The following R3HCC1L variants were observed in gnomAD, a reference collection of about 807,000 sequenced individuals.
R3HCC1L encodes R3H domain and coiled-coil containing 1 like.
A neutral mutation model predicts 59.9 loss-of-function variants in R3HCC1L; 51 were observed. The observed-to-expected ratio is 0.85, with a 90% CI of 0.68 to 1.07. R3HCC1L has a LOEUF of 1.07. Ranked by LOEUF, R3HCC1L falls within the 50% of genes least tolerant of loss-of-function variation. The probability of loss-of-function intolerance (pLI) is 0.00; values close to 1 mark genes in which losing one functional copy is unlikely to be tolerated. For missense variants in R3HCC1L, 965 were observed against 933.0 expected (o/e 1.03, Z -0.45); for synonymous variants, 322 against 315.2 (o/e 1.02, Z -0.23).
At chr10:98,151,907 T>G (rs969883897) in intron 1 of R3HCC1L, among the ~76,000 whole-genome samples, 1 of 151,696 alleles carries the variant, frequency 6.6e-6, no homozygotes, top group African/African-American at 2.4e-5. Context: ...TCCAGCTCGC[T>G]CTCTCTCTCT....
At position 98,197,207 on chromosome 10, in the gene R3HCC1L, G is replaced by GC. The variant is rs35578431; in HGVS notation, c.-14-10886dup. 3.1e-3 allele frequency among the ~76,000 whole-genome samples: 463 copies of GC among 151,498 alleles called. 4 individuals are homozygous for GC. Among genetic ancestry groups the GC allele is most frequent in the African/African-American group, 9.3e-3 (385 of 41,236 alleles). Reference sequence around the variant, plus strand: ...TCGGATTACAGATGCAAGCCACCATGCCCCCCCCTCCACCCCTTCCTATTC... The same window carrying GC: ...TCGGATTACAGATGCAAGCCACCATGCCCCCCCCCTCCACCCCTTCCTATTC... On this transcript the variant is annotated intron_variant, in intron 4 of 9. Coordinates refer to ENST00000298999, the MANE Select transcript of R3HCC1L (RefSeq NM_001351015.2).
chr10:98,172,115 G>A (rs1848574784), intron 4 of R3HCC1L, among the ~76,000 whole-genome samples: 1 of 152,164 alleles, frequency 6.6e-6, no homozygotes. Flanking sequence ...CTCTACACAT[G>A]TTTGAGGCTA....
chr10:98,174,536 A>G lies in R3HCC1L; in HGVS notation c.-15+11139A>G. On this transcript the variant is annotated intron_variant, in intron 4 of 9. Coordinates refer to ENST00000298999, the MANE Select transcript of R3HCC1L (RefSeq NM_001351015.2). ...CATTCATAAATGAAACAGTTGAATA[A>G]GAATATAAAGGAGTATATAATGAGA... 3.3e-6 allele frequency: 3 copies of G among 914,690 alleles called. 1 individual carries two copies. The highest frequency in any genetic ancestry group is 1.0e-4 in the South Asian group (2 of 19,904). The allele number at this position is 914,690 out of a possible 1,614,324, so 56.7% of individuals were successfully genotyped here.
chr10:98,182,446 G>A (rs931823420), intron 4 of R3HCC1L, among the ~76,000 whole-genome samples: 1 of 152,162 alleles, frequency 6.6e-6, no homozygotes, highest in African/African-American at 2.4e-5. Flanking sequence ...TGAGGTGTCA[G>A]TCGGCCCCTC....
chr10:98,198,137 T>G (rs535865199), intron 4 of R3HCC1L, among the ~76,000 whole-genome samples: 12 of 152,100 alleles, frequency 7.9e-5, no homozygotes, highest in African/African-American at 2.9e-4. Flanking sequence ...CTTGAACAAA[T>G]GGGCTGACAG....
intron 3 of R3HCC1L, 145 bp from the exon 4 acceptor site, chr10:98,163,148 T>C (rs1013448792): frequency 2.7e-4 from 88 of 324,212 alleles, no homozygotes; most frequent in African/African-American, 1.6e-3. Flanking sequence ...TTTGTATGTG[T>C]GTCTTCATTG....
intron 4 of R3HCC1L, among the ~76,000 whole-genome samples, chr10:98,180,048 C>G (rs1312707887): frequency 6.6e-6 from 1 of 152,170 alleles, no homozygotes; most frequent in Non-Finnish European, 1.5e-5. Context: ...TTTTGTGTCT[C>G]TATTTCCTTC....
intron 4 of R3HCC1L, among the ~76,000 whole-genome samples, chr10:98,181,681 A>G (rs533543793): frequency 6.6e-6 from 1 of 152,276 alleles, no homozygotes; most frequent in African/African-American, 2.4e-5. Context: ...GTCTTTTCAC[A>G]TAGTCCCATA....
At chr10:98,136,211 G>T (rs1450929580) in intron 1 of R3HCC1L, among the ~76,000 whole-genome samples, 1 of 152,048 alleles carries the variant, frequency 6.6e-6, no homozygotes, top group Non-Finnish European at 1.5e-5. Flanking sequence ...GGTATTTTTA[G>T]TCTGTGTTTA....
intron 4 of R3HCC1L, among the ~76,000 whole-genome samples, chr10:98,197,196 C>G (rs1291053684): frequency 7.4e-6 from 1 of 134,662 alleles, no homozygotes; most frequent in Non-Finnish European, 1.7e-5. Context: ...ATTACAGATG[C>G]AAGCCACCAT....
chr10:98,154,825 C>G (rs1014398231), intron 1 of R3HCC1L, among the ~76,000 whole-genome samples: 2 of 152,184 alleles, frequency 1.3e-5, no homozygotes, highest in East Asian at 1.9e-4. Context: ...TACAAATTCA[C>G]TCTTGTCAAA....
At chr10:98,180,776 T>C (rs915714255) in intron 4 of R3HCC1L, among the ~76,000 whole-genome samples, 1 of 152,232 alleles carries the variant, frequency 6.6e-6, no homozygotes, top group African/African-American at 2.4e-5. Flanking sequence ...TAGCTCTTCT[T>C]GTTGAATTGA....
intron 1 of R3HCC1L, among the ~76,000 whole-genome samples, chr10:98,150,510 TTTTC>T (rs1375390908): frequency 1.3e-5 from 2 of 152,194 alleles, no homozygotes; most frequent in African/African-American, 4.8e-5. Context: ...CATCTCTTGA[TTTTC>T]TTTTTCTTTT....
At chr10:98,150,069 C>T (rs1421708138) in intron 1 of R3HCC1L, among the ~76,000 whole-genome samples, 2 of 152,168 alleles carry the variant, frequency 1.3e-5, no homozygotes, top group Admixed American at 1.3e-4. Context: ...TCTGTGTGAT[C>T]CTTTCTGCTG....
intron 5 of R3HCC1L, among the ~76,000 whole-genome samples, chr10:98,215,124 A>G (rs1158673919): frequency 6.6e-6 from 1 of 152,164 alleles, no homozygotes; most frequent in Non-Finnish European, 1.5e-5. Flanking sequence ...CAGATATTGA[A>G]CAAATATTCT....
At chr10:98,160,006 CAG>C (rs2134157382) in intron 2 of R3HCC1L, among the ~76,000 whole-genome samples, 1 of 152,334 alleles carries the variant, frequency 6.6e-6, no homozygotes, top group Non-Finnish European at 1.5e-5. Context: ...TGAGTTTATA[CAG>C]ATACCTCAGA....
chr10:98,192,203 A>G (rs985286313), intron 4 of R3HCC1L, among the ~76,000 whole-genome samples: 10 of 152,098 alleles, frequency 6.6e-5, no homozygotes, highest in African/African-American at 2.4e-4. Flanking sequence ...TTACTGTGGA[A>G]TGCAGGAAAA....
In R3HCC1L at chr10:98,231,651, A is replaced by G. The variant is rs1952061; in HGVS notation, c.1925A>G (p.His642Arg). Residue 642 changes from histidine (H) to arginine (R), a missense_variant, in exon 6 of 10, where the codon CAT becomes CGT. Coordinates refer to ENST00000298999, the MANE Select transcript of R3HCC1L (RefSeq NM_001351015.2). ...ATTTATGACTTTCCCCAAGAATTTC[A>G]TACTGAAGACCTTCTACGGGTTTTC... ...IEIYDFPQEF[H>R]TEDLLRVFCS... The G allele has an allele frequency of 1, 1,609,803 of 1,612,502 alleles. 803,585 individuals are homozygous for G. Among genetic ancestry groups the G allele is most frequent in the East Asian group, 1 (44,838 of 44,838 alleles).
intron 4 of R3HCC1L, among the ~76,000 whole-genome samples, chr10:98,198,745 T>G (rs1198724070): frequency 3.3e-5 from 5 of 152,114 alleles, no homozygotes; most frequent in African/African-American, 4.8e-5. Context: ...CATGGTTTAG[T>G]TGATTTCTTG....
Sources: allele counts gnomAD v4.1 joint callset (sites outside exome capture counted in the v4.1 genomes callset), GRCh38; gene constraint gnomAD v4.1.1; transcripts MANE v1.5; gene names NCBI Gene and HGNC (gene_info 2026-07-23, HGNC 2026-07-21).